The following MFSD6 variants were observed in gnomAD, a reference collection of about 807,000 sequenced individuals.
MFSD6 encodes the protein major facilitator superfamily domain-containing protein 6.
A neutral mutation model predicts 56.3 loss-of-function variants in MFSD6; 26 were observed. That is an observed-to-expected ratio of 0.46 (90% CI 0.34 to 0.64). The LOEUF (loss-of-function observed/expected upper bound fraction) is 0.64. Ranked by LOEUF, MFSD6 falls within the 30% of genes least tolerant of loss-of-function variation. MFSD6 has a pLI of 0.01. For missense variants in MFSD6, 750 were observed against 986.2 expected, an observed-to-expected ratio of 0.76 and a Z score of 3.21; for synonymous variants, 331 against 366.9, an observed-to-expected ratio of 0.90 and a Z score of 1.12.
At chr2:190,474,406 T>C (rs1688153669) in intron 4 of MFSD6, among the ~76,000 whole-genome samples, 1 of 152,102 alleles carries the variant, frequency 6.6e-6, no homozygotes, top group Admixed American at 6.5e-5. Flanking sequence ...CCCACAGAAA[T>C]ACAAACTACC....
Position 190,436,465 on chromosome 2 carries a change from A to C in MFSD6, c.436A>C (p.Asn146His), listed in dbSNP as rs1432448535. The change falls in exon 3 of 8, where the codon AAC (asparagine) becomes CAC (histidine). Residue 146 changes from asparagine (N) to histidine (H), a missense_variant. Physicochemically the swap from Asn to His is moderately conservative, Grantham distance 68 (BLOSUM62 1). Around this residue, in one of 5 missense-constraint regions of MFSD6, gnomAD observed 376 missense variants for 437.9 expected, o/e 0.86. Coordinates refer to ENST00000392328, the MANE Select transcript of MFSD6 (RefSeq NM_017694.4). The surrounding 1 kb of genome is among the most constrained non-coding windows in gnomAD (Gnocchi z 5.3). ...LFSLLCWVLF[N>H]LGIGFVKPAT... The stretch of plus-strand genomic sequence containing the variant: ...TTCTCTTTTGTGTTGGGTTTTATTC[A>C]ACCTGGGCATTGGATTTGTCAAACC... The C allele has an allele frequency of 5.0e-6, 8 of 1,614,184 alleles. No homozygotes were observed. The East Asian group carries it at 6.7e-5, about 13-fold the overall frequency.
chr2:190,473,475 A>C (rs1688078608), intron 4 of MFSD6, among the ~76,000 whole-genome samples: 1 of 152,228 alleles, frequency 6.6e-6, no homozygotes, highest in South Asian at 2.1e-4. Flanking sequence ...GAGACAAAGA[A>C]GGCCATTACA....
At chr2:190,448,064 A>G (rs1239115439) in intron 3 of MFSD6, among the ~76,000 whole-genome samples, 1 of 152,152 alleles carries the variant, frequency 6.6e-6, no homozygotes, top group African/African-American at 2.4e-5. Context: ...TGATTGAGGT[A>G]CTTGCTGAGT....
At chr2:190,483,114 G>C (rs868712788) in intron 4 of MFSD6, among the ~76,000 whole-genome samples, 2 of 150,388 alleles carry the variant, frequency 1.3e-5, no homozygotes, top group Non-Finnish European at 3.0e-5. Flanking sequence ...GGATGGTCTC[G>C]ATCTCCTGAC....
In MFSD6 at chr2:190,497,868, A is replaced by C; in HGVS notation, c.2172+149A>C. 1 of 903,398 alleles carries C rather than the reference A, an allele frequency of 1.1e-6. No individual in the cohort carries two copies. The highest frequency in any genetic ancestry group is 1.6e-6 in the Non-Finnish European group (1 of 606,874). The allele number at this position is 903,398 out of a possible 1,614,324, so 56.0% of individuals were successfully genotyped here. ...ATGCAAACAATTTCAGTACTCTGTG[A>C]GCACTGAGTTAAAGAGGGTGTATAC... On this transcript the variant is annotated intron_variant, in intron 7 of 7. Transcript: ENST00000392328. This position sits in a 1 kb window ranked among gnomAD's most constrained non-coding sequence, Gnocchi z 5.2.
chr2:190,425,471 C>T lies in MFSD6; in HGVS notation c.-54+10058C>T, dbSNP rs142595065. On this transcript the variant is annotated intron_variant, in intron 2 of 7. Transcript: ENST00000392328. The surrounding 1 kb of genome is among the most constrained non-coding windows in gnomAD (Gnocchi z 4.3). ...AAGTGCAGTGTTACCCATGGGTTTC[C>T]GTAGGTGATCTTTATCAAATTGAGA... 8.5e-5 allele frequency among the ~76,000 whole-genome samples: 13 copies of T among 152,188 alleles called. No homozygotes were observed. Among genetic ancestry groups the T allele is most frequent in the Non-Finnish European group, 1.8e-4 (12 of 67,994 alleles).
chr2:190,464,680 G>A (rs12473460), intron 3 of MFSD6, among the ~76,000 whole-genome samples: 45,293 of 151,786 alleles, frequency 0.3, 7,505 homozygotes, highest in East Asian at 0.46. Flanking sequence ...GGTTGGCTAA[G>A]GGTCTCTCCT....
chr2:190,418,617 A>G lies in MFSD6; in HGVS notation c.-54+3204A>G, dbSNP rs1690888300. 6.6e-6 allele frequency among the ~76,000 whole-genome samples: 1 copy of G among 152,064 alleles called. No homozygotes were observed. The highest frequency in any genetic ancestry group is 1.5e-5 in the Non-Finnish European group (1 of 67,972). ...CAAACAACTGAAAAGAATAGCTGAAAGTGGTGGTGTGTGCCTGTAGTCCCA... is the reference window on the plus strand; with the variant it reads ...CAAACAACTGAAAAGAATAGCTGAAGGTGGTGGTGTGTGCCTGTAGTCCCA... On this transcript the variant is annotated intron_variant, in intron 2 of 7. Transcript: ENST00000392328. The surrounding 1 kb of genome is among the most constrained non-coding windows in gnomAD (Gnocchi z 4.1).
chr2:190,477,429 T>G, intron 4 of MFSD6: 1 of 891,954 alleles, frequency 1.1e-6, no homozygotes, highest in Non-Finnish European at 1.3e-6. Context: ...TACATGCATA[T>G]AACTTTTTTA....
chr2:190,496,645 T>C lies in MFSD6; in HGVS notation c.1892-794T>C, dbSNP rs947563733. On this transcript the variant is annotated intron_variant, in intron 6 of 7. Transcript: ENST00000392328. This position sits in a 1 kb window ranked among gnomAD's most constrained non-coding sequence, Gnocchi z 4.7. The stretch of plus-strand genomic sequence containing the variant: ...ATGTATGTATATGTGTGTATATATA[T>C]GTATATGTGTATATGTGTGTGTATG... Among the ~76,000 whole-genome samples, 4 of 151,466 alleles carry C rather than the reference T, an allele frequency of 2.6e-5. No individual in the cohort carries two copies. Among genetic ancestry groups the C allele is most frequent in the African/African-American group, 9.8e-5 (4 of 40,842 alleles).
intron 4 of MFSD6, among the ~76,000 whole-genome samples, chr2:190,472,945 G>A (rs1688037681): frequency 6.6e-6 from 1 of 152,186 alleles, no homozygotes; most frequent in Non-Finnish European, 1.5e-5. Flanking sequence ...CATTCTTAAA[G>A]GAAAGAATTT....
chr2:190,470,007 A>G (rs948909158), intron 4 of MFSD6, 152 bp downstream of exon 4: 14 of 569,890 alleles, frequency 2.5e-5, no homozygotes, highest in Non-Finnish European at 4.2e-5. Flanking sequence ...AGATGACATC[A>G]GGAGGGATGG....
chr2:190,471,746 T>A lies in MFSD6; in HGVS notation c.1630+1891T>A, dbSNP rs1186966774. 1.3e-5 allele frequency among the ~76,000 whole-genome samples: 2 copies of A among 152,156 alleles called. No homozygotes were observed. The highest frequency in any genetic ancestry group is 2.9e-5 in the Non-Finnish European group (2 of 68,022). ...TGTCTGACAGCTTTGAAGACAGTAG[T>A]TCTCCCAGGACGCAGCTTGAGATCT... On this transcript the variant is annotated intron_variant, in intron 4 of 7. Transcript: ENST00000392328. The surrounding 1 kb of genome is among the most constrained non-coding windows in gnomAD (Gnocchi z 4.7).
At chr2:190,455,610 T>G (rs1686988422) in intron 3 of MFSD6, among the ~76,000 whole-genome samples, 2 of 152,164 alleles carry the variant, frequency 1.3e-5, no homozygotes, top group South Asian at 4.1e-4. Context: ...ATCCTTCCTG[T>G]TTCAGAAGAT....
chr2:190,459,479 T>G lies in MFSD6; in HGVS notation c.1533-10279T>G, dbSNP rs543709713. On this transcript the variant is annotated intron_variant, in intron 3 of 7. Transcript: ENST00000392328. The surrounding 1 kb of genome is among the most constrained non-coding windows in gnomAD (Gnocchi z 5.3). ...AATTTTTAAACAAAATTGTAGGGGG[T>G]GTGTGTGTGAATATGTTCAGTCATT... Among the ~76,000 whole-genome samples, 15 of 152,264 alleles carry G rather than the reference T, an allele frequency of 9.9e-5. No homozygotes were observed. Among genetic ancestry groups the G allele is most frequent in the Middle Eastern group, 3.4e-3 (1 of 294 alleles).
upstream of MFSD6, among the ~76,000 whole-genome samples, chr2:190,407,767 A>G (rs1353210326): frequency 6.6e-6 from 1 of 152,126 alleles, no homozygotes; most frequent in East Asian, 1.9e-4. This position sits in a 1 kb window ranked among gnomAD's most constrained non-coding sequence, Gnocchi z 5.4. Flanking sequence ...CCCGAAACTC[A>G]CAGATCGTTT....
At chr2:190,482,312 T>G (rs1688719054) in intron 4 of MFSD6, among the ~76,000 whole-genome samples, 1 of 152,136 alleles carries the variant, frequency 6.6e-6, no homozygotes. Flanking sequence ...ATAGACTTTT[T>G]CTTTTATTGC....
intron 3 of MFSD6, among the ~76,000 whole-genome samples, chr2:190,448,583 A>G (rs2125080656): frequency 6.6e-6 from 1 of 152,362 alleles, no homozygotes; most frequent in South Asian, 2.1e-4. Context: ...ACAATTCAGT[A>G]CAGTTATACA....
At chr2:190,448,763 C>T (rs1003628341) in intron 3 of MFSD6, among the ~76,000 whole-genome samples, 1 of 152,174 alleles carries the variant, frequency 6.6e-6, no homozygotes, top group Non-Finnish European at 1.5e-5. Context: ...GGGACCTCTA[C>T]ATTATCTGTA....
Sources: allele counts gnomAD v4.1 joint callset (sites outside exome capture counted in the v4.1 genomes callset), GRCh38; gene constraint gnomAD v4.1.1; regional missense constraint gnomAD v4.1.1; non-coding constraint Gnocchi (gnomAD v3.1); transcripts MANE v1.5; gene names NCBI Gene and HGNC (gene_info 2026-07-23, HGNC 2026-07-21).